Variants in SLC4A7 observed in about 807,000 individuals in gnomAD.
The protein encoded by SLC4A7 is solute carrier family 4 member 7.
Under a neutral mutation model 137.6 loss-of-function variants are expected in SLC4A7, and 51 were observed. The observed-to-expected ratio is 0.37, with a 90% CI of 0.30 to 0.47. The LOEUF (loss-of-function observed/expected upper bound fraction) is 0.47. Among genes scored for constraint, SLC4A7 ranks in the 20% least tolerant of loss-of-function variants. The pLI is 1.00. For missense variants in SLC4A7, 1,247 were observed against 1,525.4 expected (o/e 0.82, Z 3.04); for synonymous variants, 542 against 518.6 (o/e 1.05, Z -0.61).
chr3:27,473,302 C>T (rs1445606375), intron 1 of SLC4A7, among the ~76,000 whole-genome samples: 1 of 151,934 alleles, frequency 6.6e-6, no homozygotes, highest in Non-Finnish European at 1.5e-5. Context: ...ATAGCAAGAC[C>T]TCATCTCTTA....
intron 3 of SLC4A7, among the ~76,000 whole-genome samples, chr3:27,440,526 G>A (rs369034712): frequency 8.6e-5 from 13 of 152,024 alleles, no homozygotes; most frequent in African/African-American, 3.1e-4. Flanking sequence ...TCAGGAGTTC[G>A]AGACCAGCCT....
At chr3:27,400,934 C>G in intron 15 of SLC4A7, 65 bp from the exon 16 acceptor site, 3 of 883,948 alleles carry the variant, frequency 3.4e-6, no homozygotes, top group Non-Finnish European at 5.5e-6. Flanking sequence ...TTTACTAAAT[C>G]AATTATACAA....
At chr3:27,441,656 T>C (rs1260397256) in intron 3 of SLC4A7, among the ~76,000 whole-genome samples, 1 of 151,940 alleles carries the variant, frequency 6.6e-6, no homozygotes, top group African/African-American at 2.4e-5. Context: ...ACCCAGGTAA[T>C]TTTTTATTTT....
chr3:27,412,721 T>C, intron 11 of SLC4A7, among the ~76,000 whole-genome samples: 1 of 145,588 alleles, frequency 6.9e-6, no homozygotes, highest in African/African-American at 2.4e-5. Context: ...CTATTATTTT[T>C]AATTTAATTA....
intron 16 of SLC4A7, among the ~76,000 whole-genome samples, chr3:27,399,587 C>T (rs13095509): frequency 0.015 from 2,275 of 152,104 alleles, 32 homozygotes; most frequent in Non-Finnish European, 0.021. Flanking sequence ...CGCGAGTCAC[C>T]ATACCAGGGT....
At chr3:27,380,745 A>T (rs7640753) in intron 24 of SLC4A7, among the ~76,000 whole-genome samples, 7 of 152,114 alleles carry the variant, frequency 4.6e-5, no homozygotes, top group Non-Finnish European at 7.3e-5. Context: ...CTTTACCTTC[A>T]CCAGGTCAGA....
Position 27,448,758 on chromosome 3 carries a change from C to G in SLC4A7, c.182G>C (p.Ser61Thr), listed in dbSNP as rs747941290. 1.9e-6 allele frequency: 3 copies of G among 1,613,258 alleles called. No homozygotes were observed. Among genetic ancestry groups the G allele is most frequent in the African/African-American group, 2.7e-5 (2 of 74,850 alleles). ...CCTATGACGCCGACGACTCTCTTTACTAAACGGGACGTGAACACCAATATA... is the reference window on the plus strand; with the variant it reads ...CCTATGACGCCGACGACTCTCTTTAGTAAACGGGACGTGAACACCAATATA... The part of the protein sequence containing the change: ...AVYIGVHVPF[S>T]KESRRRHRHR... The change falls in exon 3 of 26, where the codon AGT becomes ACT. Residue 61 changes from serine to threonine, a missense_variant. Physicochemically the swap from Ser to Thr is moderately conservative, Grantham distance 58 (BLOSUM62 1). Coordinates refer to ENST00000454389, the MANE Select transcript of SLC4A7 (RefSeq NM_001321103.2).
Position 27,420,805 on chromosome 3 carries a change from T to C in SLC4A7, c.1425-18A>G. Reference sequence around the variant, plus strand: ...ACAAAAACCTAAGGAAATATGAAAATACAGATTTTAAAATAAACATCATAC... The same window carrying C: ...ACAAAAACCTAAGGAAATATGAAAACACAGATTTTAAAATAAACATCATAC... On this transcript the variant is annotated intron_variant, in intron 9 of 25. Transcript: ENST00000454389. 1.9e-6 allele frequency: 3 copies of C among 1,556,000 alleles called. No individual in the cohort carries two copies. The highest frequency in any genetic ancestry group is 2.7e-6 in the Non-Finnish European group (3 of 1,128,626).
chr3:27,418,456 A>C (rs1392936337), intron 11 of SLC4A7, 30 bp downstream of exon 11: 2 of 1,564,278 alleles, frequency 1.3e-6, no homozygotes, highest in East Asian at 4.6e-5. Flanking sequence ...AAATAAAGTA[A>C]GTCACAGAAG....
rs951233938 is a variant in SLC4A7, at chr3:27,390,047, A to G, written c.3244T>C (p.Tyr1082His). 3 of 1,612,096 alleles carry G rather than the reference A, an allele frequency of 1.9e-6. No individual in the cohort carries two copies. Among genetic ancestry groups the G allele is most frequent in the Non-Finnish European group, 2.5e-6 (3 of 1,178,268 alleles). Residue 1082 changes from tyrosine (Y) to histidine (H), a missense_variant, in exon 22 of 26, where the codon TAC (tyrosine) becomes CAC (histidine). Coordinates refer to ENST00000454389, the MANE Select transcript of SLC4A7 (RefSeq NM_001321103.2). ...TTCCAGAGCGGCACATAACGGAGGT[A>G]TATCAAATCAGGCTGATGCTTAGCA... is the stretch of plus-strand genomic sequence containing the variant. ...MPAKHQPDLI[Y>H]LRYVPLWKVH...
In SLC4A7 at chr3:27,404,982, A is replaced by C; in HGVS notation, c.1942-19T>G. On this transcript the variant is annotated intron_variant, in intron 13 of 25. Transcript: ENST00000454389. ...TTGCACTCTGTTTAAGGAAAAAAGAAATGAATAAAAGCAATACATCATAAA... is the reference window on the plus strand; with the variant it reads ...TTGCACTCTGTTTAAGGAAAAAAGACATGAATAAAAGCAATACATCATAAA... 1 of 1,544,390 alleles carries C rather than the reference A, an allele frequency of 6.5e-7. No individual in the cohort carries two copies. The highest frequency in any genetic ancestry group is 8.7e-7 in the Non-Finnish European group (1 of 1,150,232).
Position 27,431,461 on chromosome 3 carries a change from G to A in SLC4A7, c.987C>T (p.Thr329=), listed in dbSNP as rs1230196854. 1.2e-6 allele frequency: 2 copies of A among 1,614,108 alleles called. No homozygotes were observed. Among genetic ancestry groups the A allele is most frequent in the South Asian group, 1.1e-5 (1 of 91,070 alleles). The change falls in exon 7 of 26, where the codon ACC becomes ACT. Residue 329 remains threonine, a synonymous_variant. Transcript: ENST00000454389. The part of the protein sequence containing the change: ...PPSSPSISRL[T]SRSSQESQRQ... ...GCTGACTCTCTTGGGAACTTCTGGA[G>A]GTCAGGCGGCTGATGCTAGGGCTAG...
intron 7 of SLC4A7, among the ~76,000 whole-genome samples, chr3:27,430,121 A>G (rs2056114904): frequency 6.6e-6 from 1 of 151,998 alleles, no homozygotes; most frequent in Non-Finnish European, 1.5e-5. Context: ...AGTCAGGAGG[A>G]TTGCTTGATC....
intron 18 of SLC4A7, among the ~76,000 whole-genome samples, chr3:27,395,376 C>T (rs1033763999): frequency 6.6e-6 from 1 of 152,138 alleles, no homozygotes; most frequent in African/African-American, 2.4e-5. Flanking sequence ...CCAGGATGAC[C>T]CTGTGACTTA....
intron 21 of SLC4A7, among the ~76,000 whole-genome samples, chr3:27,390,807 CG>C (rs912570010): frequency 4.6e-5 from 7 of 152,010 alleles, no homozygotes; most frequent in African/African-American, 7.2e-5. Context: ...GCTTTATGAT[CG>C]TTTTTTTTGT....
intron 21 of SLC4A7, 22 bp downstream of exon 21, chr3:27,391,718 T>A: frequency 7.5e-7 from 1 of 1,335,402 alleles, no homozygotes; most frequent in South Asian, 1.3e-5. Context: ...CTATAGAAAA[T>A]CATTAAATAC....
At chr3:27,412,687 T>C (rs1166049368) in intron 11 of SLC4A7, among the ~76,000 whole-genome samples, 2 of 152,116 alleles carry the variant, frequency 1.3e-5, no homozygotes, top group Non-Finnish European at 2.9e-5. Flanking sequence ...AAACTACAAA[T>C]TATAAAAGTA....
chr3:27,447,369 T>G (rs1231405143), intron 3 of SLC4A7, among the ~76,000 whole-genome samples: 1 of 152,222 alleles, frequency 6.6e-6, no homozygotes, highest in African/African-American at 2.4e-5. Context: ...GAATTTGCAC[T>G]TTAGATTTTA....
intron 15 of SLC4A7, 101 bp from the exon 16 acceptor site, chr3:27,400,970 T>TC (rs776061252): frequency 8.5e-5 from 55 of 647,108 alleles, no homozygotes; most frequent in Non-Finnish European, 1.4e-4. Flanking sequence ...CTTCTTTTTT[T>TC]CCCACATTGA....
Sources: gnomAD v4.1 joint callset for allele counts (sites outside exome capture counted in the v4.1 genomes callset) on GRCh38, gnomAD v4.1.1 for gene constraint, MANE v1.5 for transcripts, NCBI Gene and HGNC (gene_info 2026-07-23, HGNC 2026-07-21) for gene names.